The following PROC variants were observed in gnomAD, a reference collection of about 807,000 sequenced individuals.
The protein encoded by PROC is vitamin K-dependent protein C.
Under a neutral mutation model 36.3 loss-of-function variants are expected in PROC, and 22 were observed. The observed-to-expected ratio is 0.61, with a 90% confidence interval of 0.43 to 0.86. The LOEUF (loss-of-function observed/expected upper bound fraction) is 0.86, where lower values mean the gene tolerates loss of function less well. Ranked by LOEUF, PROC falls within the 40% of genes least tolerant of loss-of-function variation. The pLI is 0.00. For synonymous variants in PROC, 218 were observed against 244.5 expected, an observed-to-expected ratio of 0.89 and a Z score of 1.01; for missense variants, 526 against 629.7, an observed-to-expected ratio of 0.84 and a Z score of 1.76.
In PROC at chr2:127,428,658, C is replaced by T. The variant is rs751406743; in HGVS notation, c.1098C>T (p.Pro366=). 2.2e-5 allele frequency: 36 copies of T among 1,613,904 alleles called. No individual in the cohort carries two copies. The highest frequency in any genetic ancestry group is 4.5e-5 in the East Asian group (2 of 44,900). ...TCGTCCTCAACTTCATCAAGATTCC[C>T]GTGGTCCCGCACAATGAGTGCAGCG... ...RTFVLNFIKI[P]VVPHNECSEV... Residue 366 remains proline (P), a synonymous_variant, in exon 9 of 9, where the codon CCC becomes CCT. Coordinates refer to ENST00000234071, the MANE Select transcript of PROC (RefSeq NM_000312.4).
At chr2:127,420,424 T>G (rs1397820776) in intron 2 of PROC, among the ~76,000 whole-genome samples, 1 of 152,132 alleles carries the variant, frequency 6.6e-6, no homozygotes, top group Non-Finnish European at 1.5e-5. Flanking sequence ...ACCCCTTTCC[T>G]GGTCTCCACA....
chr2:127,421,138 A>G, intron 2 of PROC, 145 bp from the exon 3 acceptor site: 2 of 820,782 alleles, frequency 2.4e-6, no homozygotes, highest in African/African-American at 1.7e-5. Context: ...GCGCCAAGCC[A>G]TGACCTAGAA....
rs1355168080 is a variant in PROC at position 127,428,657 on chromosome 2, C to T, written c.1097C>T (p.Pro366Leu). 2 of 1,614,014 alleles carry T rather than the reference C, an allele frequency of 1.2e-6. No homozygotes were observed. Among genetic ancestry groups the T allele is most frequent in the Admixed American group, 1.7e-5 (1 of 60,026 alleles). ...TTCGTCCTCAACTTCATCAAGATTC[C>T]CGTGGTCCCGCACAATGAGTGCAGC... ...RTFVLNFIKI[P>L]VVPHNECSEV... Residue 366 changes from proline (P) to leucine (L), a missense_variant, in exon 9 of 9, where the codon CCC becomes CTC. Transcript: ENST00000234071.
Position 127,422,907 on chromosome 2 carries a change from C to G in PROC, c.238-10C>G, listed in dbSNP as rs780193348. 7.7e-6 allele frequency: 12 copies of G among 1,561,556 alleles called. No individual in the cohort carries two copies. The highest frequency in any genetic ancestry group is 3.5e-5 in the South Asian group (3 of 85,510). Reference sequence around the variant, plus strand: ...CTGCAGGAGCCTGACGCTGCCCGCTCTCTCCGCAGCTGGCCTTCTGGTCCA... The same window carrying G: ...CTGCAGGAGCCTGACGCTGCCCGCTGTCTCCGCAGCTGGCCTTCTGGTCCA... On this transcript the variant is annotated splice_polypyrimidine_tract_variant and intron_variant, in intron 3 of 8. Coordinates refer to ENST00000234071, the MANE Select transcript of PROC (RefSeq NM_000312.4).
intron 1 of PROC, among the ~76,000 whole-genome samples, chr2:127,419,219 A>G (rs899808979): frequency 6.6e-6 from 1 of 151,826 alleles, no homozygotes; most frequent in Non-Finnish European, 1.5e-5. Flanking sequence ...AAACCACTTA[A>G]CTCCTCCGAG....
chr2:127,422,526 G>A (rs1033323503), intron 3 of PROC, among the ~76,000 whole-genome samples: 1 of 152,266 alleles, frequency 6.6e-6, no homozygotes, highest in South Asian at 2.1e-4. Context: ...TTAGGGAAAG[G>A]CGCGATGCTC....
In PROC at chr2:127,424,405, G is replaced by A. The variant is rs368771698; in HGVS notation, c.535+997G>A. 2.2e-4 allele frequency among the ~76,000 whole-genome samples: 33 copies of A among 152,198 alleles called. No individual in the cohort carries two copies. In the East Asian group the frequency reaches 3.9e-3, roughly 18 times the overall value. On this transcript the variant is annotated intron_variant, in intron 6 of 8. Coordinates refer to ENST00000234071, the MANE Select transcript of PROC (RefSeq NM_000312.4). Reference sequence around the variant, plus strand: ...GTAGAGAAGGGGTTTCTCCGTGTTGGTCAAGCTGGTCTTGAACTCCTGACC... The same window carrying A: ...GTAGAGAAGGGGTTTCTCCGTGTTGATCAAGCTGGTCTTGAACTCCTGACC...
At chr2:127,421,602 C>T (rs1483793350) in intron 3 of PROC, among the ~76,000 whole-genome samples, 153 bp downstream of exon 3, 2 of 152,126 alleles carry the variant, frequency 1.3e-5, no homozygotes, top group East Asian at 1.9e-4. Context: ...CCTATGATGT[C>T]GGCCAGGCAC....
intron 8 of PROC, 34 bp from the exon 9 acceptor site, chr2:127,428,323 G>A (rs747520018): frequency 2.2e-5 from 36 of 1,603,328 alleles, no homozygotes; most frequent in South Asian, 8.9e-5. Context: ...GAGGCTCCCC[G>A]CAGCCCACTC....
Position 127,420,061 on chromosome 2 carries a change from C to T in PROC, c.70+49C>T, listed in dbSNP as rs746489845. 14 of 1,587,524 alleles carry T rather than the reference C, an allele frequency of 8.8e-6. No individual in the cohort carries two copies. In the East Asian group the frequency reaches 2.5e-4, roughly 28 times the overall value. ...CGGGACCCTTGTGGCCTCTACAAGG[C>T]CCTGGTGGGCATCTGCCCAGGCCTT... On this transcript the variant is annotated intron_variant, in intron 2 of 8. Coordinates refer to ENST00000234071, the MANE Select transcript of PROC (RefSeq NM_000312.4).
At chr2:127,428,276 C>G (rs561631727) in intron 8 of PROC, 81 bp from the exon 9 acceptor site, 3 of 1,370,878 alleles carry the variant, frequency 2.2e-6, no homozygotes, top group South Asian at 2.4e-5. Context: ...TGCAGGGGCA[C>G]AGCAGTGGGT....
chr2:127,419,790 G>A (rs1687978865), intron 1 of PROC, 132 bp from the exon 2 acceptor site: 6 of 1,538,616 alleles, frequency 3.9e-6, no homozygotes, highest in African/African-American at 1.4e-5. Context: ...TAGCGAACAA[G>A]GACCCTCAAT....
rs150587435 is a variant in PROC, at chr2:127,418,546, G to A, written c.-22+54G>A. 12,429 of 1,273,256 alleles carry A rather than the reference G, an allele frequency of 9.8e-3. 80 individuals carry two copies. Among genetic ancestry groups the A allele is most frequent in the Non-Finnish European group, 0.011 (10,701 of 973,916 alleles). 78.9% of individuals were successfully genotyped at this position (1,273,256 alleles called of 1,614,324 possible). A position where few individuals can be genotyped will look rare whatever the true frequency, so the allele number is the denominator to read the frequency against. Reference sequence around the variant, plus strand: ...GGGGTGTGGAGGGAGGGCTGCCCCCGGGAGAAGAGAGCTAGGTGGTGATGA... The same window carrying A: ...GGGGTGTGGAGGGAGGGCTGCCCCCAGGAGAAGAGAGCTAGGTGGTGATGA... On this transcript the variant is annotated intron_variant, in intron 1 of 8. Coordinates refer to ENST00000234071, the MANE Select transcript of PROC (RefSeq NM_000312.4). The surrounding 1 kb of genome is among the most constrained non-coding windows in gnomAD (Gnocchi z 4.8).
intron 1 of PROC, among the ~76,000 whole-genome samples, chr2:127,419,079 C>A (rs779043428): frequency 1.8e-4 from 27 of 152,196 alleles, no homozygotes; most frequent in Admixed American, 2.6e-4. Flanking sequence ...TCTTCCGAGT[C>A]TGGTGCCTGC....
intron 6 of PROC, among the ~76,000 whole-genome samples, chr2:127,424,398 C>T (rs1003954568): frequency 1.3e-5 from 2 of 152,072 alleles, no homozygotes; most frequent in Admixed American, 6.6e-5. Context: ...GGGGTTTCTC[C>T]GTGTTGGTCA....
rs1034007920 is a variant in PROC at position 127,429,142 on chromosome 2, T to G, written c.*196T>G. On this transcript the variant is annotated 3_prime_UTR_variant, in exon 9 of 9. Transcript: ENST00000234071. Reference sequence around the variant, plus strand: ...AATCTTAACTCCTAGAGCAACTCTGTGGGGTGGGGAGGAGCAGATCCAAGT... The same window carrying G: ...AATCTTAACTCCTAGAGCAACTCTGGGGGGTGGGGAGGAGCAGATCCAAGT... 2.1e-5 allele frequency: 14 copies of G among 659,780 alleles called. No individual in the cohort carries two copies. The highest frequency in any genetic ancestry group is 8.3e-5 in the Admixed American group (3 of 36,268). 40.9% of individuals were successfully genotyped at this position (659,780 alleles called of 1,614,324 possible).
chr2:127,429,210 T>G lies in PROC; in HGVS notation c.*264T>G, dbSNP rs1327091525. On this transcript the variant is annotated 3_prime_UTR_variant, in exon 9 of 9. Transcript: ENST00000234071. ...TGTGTGTGTTGAGGGGGATACTCTGTTTATGAAAAAGAATAAAAAACACAA... is the reference window on the plus strand; with the variant it reads ...TGTGTGTGTTGAGGGGGATACTCTGGTTATGAAAAAGAATAAAAAACACAA... 3 of 479,956 alleles carry G rather than the reference T, an allele frequency of 6.3e-6. No homozygotes were observed. The highest frequency in any genetic ancestry group is 7.4e-6 in the Non-Finnish European group (2 of 268,506). The allele number at this position is 479,956 out of a possible 1,614,324, so 29.7% of individuals were successfully genotyped here. A position where few individuals can be genotyped will look rare whatever the true frequency, so the allele number is the denominator to read the frequency against.
chr2:127,424,286 G>A (rs1688339734), intron 6 of PROC, among the ~76,000 whole-genome samples: 1 of 151,690 alleles, frequency 6.6e-6, no homozygotes, highest in South Asian at 2.1e-4. Flanking sequence ...CACAACCTCC[G>A]CCTCCTGGAT....
chr2:127,422,766 C>T (rs1010180557), intron 3 of PROC, 151 bp from the exon 4 acceptor site: 61 of 1,121,388 alleles, frequency 5.4e-5, no homozygotes, highest in Non-Finnish European at 7.6e-5. Context: ...GGAGCACCAG[C>T]TCCTAGCAGC....
Sources: allele counts gnomAD v4.1 joint callset (sites outside exome capture counted in the v4.1 genomes callset), GRCh38; gene constraint gnomAD v4.1.1; non-coding constraint Gnocchi (gnomAD v3.1); transcripts MANE v1.5; gene names NCBI Gene and HGNC (gene_info 2026-07-23, HGNC 2026-07-21).